The following GRIA1 variants were observed in gnomAD, a reference collection of about 807,000 sequenced individuals.
The protein encoded by GRIA1 is glutamate receptor 1.
In GRIA1, 31 loss-of-function variants were observed where a neutral mutation model predicts 99.2. The ratio of observed to expected loss-of-function variants is 0.31; its 90% CI spans 0.23 to 0.42. The LOEUF (loss-of-function observed/expected upper bound fraction) is 0.42. Ranked by LOEUF, GRIA1 falls within the 10% of genes least tolerant of loss-of-function variation. The pLI is 1.00. For missense variants in GRIA1, 782 were observed against 1,157.5 expected (o/e 0.68, Z 4.71); for synonymous variants, 438 against 432.4 (o/e 1.01, Z -0.16).
intron 15 of GRIA1, among the ~76,000 whole-genome samples, chr5:153,807,412 A>G (rs879459788): frequency 1.3e-5 from 2 of 152,266 alleles, no homozygotes; most frequent in Non-Finnish European, 2.9e-5. Flanking sequence ...TGTCAAGTAT[A>G]GAGCAGAGGC....
chr5:153,617,336 C>T (rs778377256), intron 2 of GRIA1, among the ~76,000 whole-genome samples: 41 of 152,174 alleles, frequency 2.7e-4, no homozygotes, highest in Non-Finnish European at 4.6e-4. Flanking sequence ...AAGTAAGATT[C>T]TGCATGGTGA....
intron 2 of GRIA1, among the ~76,000 whole-genome samples, chr5:153,523,681 A>T (rs1023627340): frequency 2.6e-5 from 4 of 152,140 alleles, no homozygotes; most frequent in African/African-American, 9.7e-5. Context: ...CATGAAAGTG[A>T]TTATACCTAT....
At chr5:153,719,893 A>G (rs754519189) in intron 11 of GRIA1, among the ~76,000 whole-genome samples, 3 of 152,198 alleles carry the variant, frequency 2.0e-5, no homozygotes, top group Non-Finnish European at 4.4e-5. Flanking sequence ...AGGGCTTAGC[A>G]TGGTGCTGAC....
chr5:153,614,426 TA>T (rs1239036611), intron 2 of GRIA1, among the ~76,000 whole-genome samples: 1 of 152,224 alleles, frequency 6.6e-6, no homozygotes, highest in Non-Finnish European at 1.5e-5. Context: ...CTATGATTTT[TA>T]TATGTATTTA....
chr5:153,580,564 T>G (rs1269478094), intron 2 of GRIA1, among the ~76,000 whole-genome samples: 1 of 152,202 alleles, frequency 6.6e-6, no homozygotes, highest in African/African-American at 2.4e-5. Flanking sequence ...TGAAATGGTT[T>G]AAAATACCCA....
chr5:153,646,821 T>A, intron 2 of GRIA1, 107 bp from the exon 3 acceptor site: 1 of 1,200,082 alleles, frequency 8.3e-7, no homozygotes, highest in Non-Finnish European at 1.2e-6. Flanking sequence ...GACAGTTGGG[T>A]GGATAATTGA....
intron 13 of GRIA1, among the ~76,000 whole-genome samples, chr5:153,773,848 A>G (rs531918532): frequency 6.6e-6 from 1 of 152,272 alleles, no homozygotes; most frequent in South Asian, 2.1e-4. Flanking sequence ...TGGGGCCATC[A>G]TAATTCCTGA....
intron 13 of GRIA1, among the ~76,000 whole-genome samples, chr5:153,790,026 T>A (rs1765200063): frequency 6.6e-6 from 1 of 152,216 alleles, no homozygotes; most frequent in Non-Finnish European, 1.5e-5. Context: ...GAAGCTCAGA[T>A]GGCTGACATA....
intron 7 of GRIA1, among the ~76,000 whole-genome samples, chr5:153,682,881 T>A (rs1757077627): frequency 6.6e-6 from 1 of 152,204 alleles, no homozygotes; most frequent in Non-Finnish European, 1.5e-5. Context: ...TTAACCCGCA[T>A]TCTCTCAGCA....
intron 6 of GRIA1, among the ~76,000 whole-genome samples, chr5:153,676,150 C>A (rs1173654021): frequency 1.3e-5 from 2 of 152,126 alleles, no homozygotes; most frequent in Admixed American, 6.5e-5. Flanking sequence ...AGCCACTGCG[C>A]CCGGCATGTA....
At chr5:153,723,436 G>A (rs936791953) in intron 11 of GRIA1, among the ~76,000 whole-genome samples, 37 of 152,362 alleles carry the variant, frequency 2.4e-4, no homozygotes, top group African/African-American at 8.4e-4. Flanking sequence ...GAAGCAGGGC[G>A]AGGCATTGCC....
intron 2 of GRIA1, among the ~76,000 whole-genome samples, chr5:153,523,314 G>T (rs1030472914): frequency 4.6e-5 from 7 of 152,062 alleles, no homozygotes; most frequent in East Asian, 1.9e-4. Context: ...CATTCTTATT[G>T]TATAATCTCC....
At chr5:153,662,101 G>A (rs1755413203) in intron 5 of GRIA1, among the ~76,000 whole-genome samples, 1 of 152,148 alleles carries the variant, frequency 6.6e-6, no homozygotes, top group Admixed American at 6.5e-5. Context: ...AAACTTACCT[G>A]TGCCTTCCCA....
intron 2 of GRIA1, among the ~76,000 whole-genome samples, chr5:153,613,645 A>G (rs1212477934): frequency 3.3e-5 from 5 of 151,080 alleles, no homozygotes; most frequent in Non-Finnish European, 7.4e-5. Flanking sequence ...TGATTTTGCC[A>G]TTACTTTTAA....
At chr5:153,640,396 G>A (rs1349870173) in intron 2 of GRIA1, among the ~76,000 whole-genome samples, 1 of 152,182 alleles carries the variant, frequency 6.6e-6, no homozygotes, top group East Asian at 1.9e-4. Flanking sequence ...ATGACACAAT[G>A]ACCTAACTTC....
chr5:153,562,392 AT>A (rs754009560), intron 2 of GRIA1, among the ~76,000 whole-genome samples: 2 of 152,116 alleles, frequency 1.3e-5, no homozygotes, highest in Non-Finnish European at 2.9e-5. Context: ...AGCACGACCT[AT>A]TTTGGCTTTG....
At chr5:153,669,866 A>C (rs1226756518) in intron 5 of GRIA1, among the ~76,000 whole-genome samples, 2 of 152,114 alleles carry the variant, frequency 1.3e-5, no homozygotes, top group Non-Finnish European at 2.9e-5. Flanking sequence ...AGCTCATATT[A>C]CACCCCCAAC....
chr5:153,751,087 C>A (rs1006573769), intron 11 of GRIA1, among the ~76,000 whole-genome samples: 2 of 151,972 alleles, frequency 1.3e-5, no homozygotes, highest in East Asian at 1.9e-4. Flanking sequence ...ACAACAAGAG[C>A]GAGACTCTGT....
chr5:153,616,190 A>T (rs1766486089), intron 2 of GRIA1, among the ~76,000 whole-genome samples: 1 of 152,184 alleles, frequency 6.6e-6, no homozygotes, highest in African/African-American at 2.4e-5. Flanking sequence ...CTCACCTGCC[A>T]CAATCCTATC....
Sources: allele counts gnomAD v4.1 joint callset (sites outside exome capture counted in the v4.1 genomes callset), GRCh38; gene constraint gnomAD v4.1.1; transcripts MANE v1.5; gene names NCBI Gene and HGNC (gene_info 2026-07-23, HGNC 2026-07-21).